Variants in DISC1 observed in about 807,000 individuals in gnomAD.
DISC1 encodes disrupted in schizophrenia 1 protein.
DISC1 carries 57 observed loss-of-function variants against 84.5 expected under a neutral mutation model. The observed-to-expected ratio is 0.67, with a 90% CI of 0.55 to 0.84. The LOEUF (loss-of-function observed/expected upper bound fraction) is 0.84. Ranked by LOEUF, DISC1 falls within the 40% of genes least tolerant of loss-of-function variation. The pLI is 0.00. For missense variants in DISC1, 1,000 were observed against 1,057.8 expected, an observed-to-expected ratio of 0.95 and a Z score of 0.76; for synonymous variants, 411 against 415.2, an observed-to-expected ratio of 0.99 and a Z score of 0.12.
At chr1:231,701,465 C>T (rs968308488) in intron 2 of DISC1, among the ~76,000 whole-genome samples, 10 of 152,112 alleles carry the variant, frequency 6.6e-5, no homozygotes, top group African/African-American at 2.4e-4. Context: ...ATATTTGAAC[C>T]TTAGGGCTTC....
intron 12 of DISC1, among the ~76,000 whole-genome samples, chr1:232,036,213 G>T (rs1286079971): frequency 1.3e-5 from 2 of 152,188 alleles, no homozygotes; most frequent in African/African-American, 4.8e-5. Flanking sequence ...CAGAGACCAT[G>T]TTAATAACTG....
chr1:231,760,862 G>T (rs1054901267), intron 4 of DISC1, among the ~76,000 whole-genome samples: 6 of 152,216 alleles, frequency 3.9e-5, no homozygotes, highest in African/African-American at 1.2e-4. Flanking sequence ...TGGGAAGGAG[G>T]TGGCAATGTA....
At chr1:231,710,703 T>C (rs2067708222) in intron 3 of DISC1, among the ~76,000 whole-genome samples, 1 of 152,226 alleles carries the variant, frequency 6.6e-6, no homozygotes. Context: ...CAGTCTTCCC[T>C]CTGTATGCAT....
chr1:231,687,485 A>T (rs1572872683), intron 1 of DISC1, among the ~76,000 whole-genome samples: 1 of 152,192 alleles, frequency 6.6e-6, no homozygotes, highest in Non-Finnish European at 1.5e-5. Flanking sequence ...AATTGCCCCC[A>T]TCATTCCATT....
intron 10 of DISC1, among the ~76,000 whole-genome samples, chr1:231,966,135 A>G (rs59650647): frequency 7.5e-4 from 114 of 152,350 alleles, no homozygotes; most frequent in African/African-American, 2.6e-3. Context: ...TTTATTTGCA[A>G]CTTGATTATC....
chr1:231,716,485 T>G (rs187931557), intron 3 of DISC1, among the ~76,000 whole-genome samples: 107 of 152,314 alleles, frequency 7.0e-4, no homozygotes, highest in African/African-American at 2.4e-3. Flanking sequence ...TCTCGTTTTC[T>G]GCCTGATGCT....
intron 10 of DISC1, among the ~76,000 whole-genome samples, chr1:231,984,205 C>T (rs115154727): frequency 1.3e-5 from 2 of 152,106 alleles, no homozygotes; most frequent in Non-Finnish European, 1.5e-5. Flanking sequence ...CTCTATTTTA[C>T]AGATTTTATG....
intron 1 of DISC1, among the ~76,000 whole-genome samples, chr1:231,627,963 C>T (rs1236903165): frequency 2.0e-5 from 3 of 152,184 alleles, no homozygotes; most frequent in Non-Finnish European, 2.9e-5. Context: ...ATGACAGTAC[C>T]TGCTTCATAG....
chr1:231,738,264 A>G (rs1471453970), intron 3 of DISC1, among the ~76,000 whole-genome samples: 1 of 152,194 alleles, frequency 6.6e-6, no homozygotes, highest in Non-Finnish European at 1.5e-5. Flanking sequence ...TCTCCAGTCT[A>G]CAGACTCCAT....
intron 6 of DISC1, among the ~76,000 whole-genome samples, chr1:231,773,951 TAGG>T (rs1220329066): frequency 6.6e-6 from 1 of 151,788 alleles, no homozygotes; most frequent in African/African-American, 2.4e-5. Flanking sequence ...AGGCTTCATG[TAGG>T]AGGAGATCTT....
intron 6 of DISC1, among the ~76,000 whole-genome samples, chr1:231,792,024 C>T (rs112244628): frequency 2.6e-5 from 4 of 152,212 alleles, no homozygotes; most frequent in African/African-American, 9.6e-5. Flanking sequence ...CTATAAATAG[C>T]CTGAAACCCA....
intron 9 of DISC1, chr1:231,854,875 C>A: frequency 2.3e-6 from 1 of 431,514 alleles, no homozygotes; most frequent in Non-Finnish European, 4.5e-6. Flanking sequence ...CGCCACCATG[C>A]CTGGCTAATT....
intron 1 of DISC1, among the ~76,000 whole-genome samples, chr1:231,693,543 G>C (rs1044952361): frequency 2.6e-5 from 4 of 152,214 alleles, no homozygotes; most frequent in Non-Finnish European, 5.9e-5. Flanking sequence ...TGCCAAGGTT[G>C]TGTTCATGCT....
At chr1:232,026,762 C>CTTTTTTTTTTT (rs545455868) in intron 12 of DISC1, among the ~76,000 whole-genome samples, 7 of 110,868 alleles carry the variant, frequency 6.3e-5, no homozygotes, top group Admixed American at 3.0e-4. Flanking sequence ...TTTCTTTTTT[C>CTTTTTTTTTTT]TTTTTTTTTT....
chr1:231,888,042 GGTTTGAAAATATGCAAA>G (rs1002931525), intron 9 of DISC1, among the ~76,000 whole-genome samples: 10 of 152,148 alleles, frequency 6.6e-5, no homozygotes, highest in African/African-American at 2.2e-4. Context: ...CCAATTATTT[GGTTTGAAAATATGCAAA>G]GCAGCATTCC....
chr1:231,890,019 C>T (rs1268248699), intron 9 of DISC1, among the ~76,000 whole-genome samples: 1 of 152,152 alleles, frequency 6.6e-6, no homozygotes, highest in African/African-American at 2.4e-5. Flanking sequence ...TGTTCTAGTA[C>T]TTCTTGGGTT....
At chr1:231,861,895 C>T (rs545102809) in intron 9 of DISC1, among the ~76,000 whole-genome samples, 2 of 152,254 alleles carry the variant, frequency 1.3e-5, no homozygotes, top group South Asian at 4.1e-4. Flanking sequence ...TTTACAACAG[C>T]GACTAGGACC....
chr1:231,801,071 T>C (rs1206298503), intron 8 of DISC1, among the ~76,000 whole-genome samples: 1 of 152,152 alleles, frequency 6.6e-6, no homozygotes, highest in Non-Finnish European at 1.5e-5. Context: ...GTGTTTTAAA[T>C]GGTATTTTAA....
chr1:231,799,437 C>T (rs1010991463), intron 7 of DISC1, among the ~76,000 whole-genome samples: 2 of 152,036 alleles, frequency 1.3e-5, no homozygotes, highest in African/African-American at 4.8e-5. Context: ...GCTCGTATCC[C>T]GGCAGAGAGA....
Sources: allele counts gnomAD v4.1 joint callset (sites outside exome capture counted in the v4.1 genomes callset), GRCh38; gene constraint gnomAD v4.1.1; transcripts MANE v1.5; gene names NCBI Gene and HGNC (gene_info 2026-07-23, HGNC 2026-07-21).